The following MDGA2 variants were observed in gnomAD, a reference collection of about 807,000 sequenced individuals.
The protein encoded by MDGA2 is MAM domain containing glycosylphosphatidylinositol anchor 2.
A neutral mutation model predicts 117.8 loss-of-function variants in MDGA2; 40 were observed. The observed-to-expected ratio is 0.34, with a 90% CI of 0.26 to 0.44. The LOEUF (loss-of-function observed/expected upper bound fraction) is 0.44, where lower values mean the gene tolerates loss of function less well. MDGA2 is among the 20% of genes least tolerant of loss of function. The probability of loss-of-function intolerance (pLI) is 1.00; values close to 1 mark genes in which losing one functional copy is unlikely to be tolerated. For missense variants in MDGA2, 1,123 were observed against 1,250.6 expected, an observed-to-expected ratio of 0.90 and a Z score of 1.54; for synonymous variants, 452 against 439.0, an observed-to-expected ratio of 1.03 and a Z score of -0.37.
At chr14:47,385,156 T>G (rs1891728883) in intron 1 of MDGA2, among the ~76,000 whole-genome samples, 1 of 152,144 alleles carries the variant, frequency 6.6e-6, no homozygotes, top group Non-Finnish European at 1.5e-5. Flanking sequence ...ATTTATAAAA[T>G]TATACTATGT....
chr14:46,859,086 C>T (rs756416708), intron 14 of MDGA2, among the ~76,000 whole-genome samples: 26 of 152,180 alleles, frequency 1.7e-4, no homozygotes, highest in Non-Finnish European at 3.5e-4. Context: ...TCTGTCTTAC[C>T]TATGAATCTT....
intron 10 of MDGA2, among the ~76,000 whole-genome samples, chr14:46,902,794 G>A (rs918046245): frequency 6.6e-6 from 1 of 152,132 alleles, no homozygotes; most frequent in Non-Finnish European, 1.5e-5. Flanking sequence ...GAGAATATAA[G>A]CATTTTCTCA....
At chr14:47,610,574 A>G (rs1189525611) in intron 1 of MDGA2, among the ~76,000 whole-genome samples, 1 of 150,450 alleles carries the variant, frequency 6.6e-6, no homozygotes, top group Non-Finnish European at 1.5e-5. Flanking sequence ...CTAAAAACAA[A>G]CAAACAACAA....
At chr14:47,121,342 G>T (rs562554646) in intron 5 of MDGA2, among the ~76,000 whole-genome samples, 1 of 151,966 alleles carries the variant, frequency 6.6e-6, no homozygotes, top group East Asian at 1.9e-4. Context: ...AAATTCAGCA[G>T]AACTAATGTA....
chr14:47,302,719 G>A (rs918684718), intron 1 of MDGA2, among the ~76,000 whole-genome samples: 13 of 152,018 alleles, frequency 8.6e-5, no homozygotes, highest in African/African-American at 3.1e-4. Flanking sequence ...ATCATTCTGG[G>A]AAAAGCTGTG....
chr14:47,074,361 G>C (rs1211722429), intron 6 of MDGA2, among the ~76,000 whole-genome samples: 1 of 151,108 alleles, frequency 6.6e-6, no homozygotes, highest in African/African-American at 2.4e-5. Flanking sequence ...AGTGCAGTGC[G>C]GTGGCGCGAT....
intron 8 of MDGA2, among the ~76,000 whole-genome samples, chr14:47,016,327 G>A (rs534589828): frequency 6.6e-6 from 1 of 151,196 alleles, no homozygotes; most frequent in Admixed American, 6.6e-5. Context: ...ATCATTAATA[G>A]CACTTCAAAT....
intron 3 of MDGA2, chr14:47,200,656 T>C (rs1329438451): frequency 1.6e-6 from 2 of 1,212,438 alleles, no homozygotes; most frequent in Admixed American, 1.8e-5. Context: ...CCTGTTTCCG[T>C]AGCCTCAAGA....
intron 2 of MDGA2, among the ~76,000 whole-genome samples, chr14:47,238,632 C>CA (rs1210747741): frequency 8.0e-5 from 12 of 150,692 alleles, no homozygotes; most frequent in Admixed American, 5.3e-4. Context: ...ATGGACCGCT[C>CA]AAAAAAAATG....
chr14:47,260,387 C>T (rs545585826), intron 2 of MDGA2, among the ~76,000 whole-genome samples: 1 of 152,140 alleles, frequency 6.6e-6, no homozygotes, highest in South Asian at 2.1e-4. Flanking sequence ...TGAAAGACGA[C>T]AGTCAAGCTT....
chr14:47,563,845 T>C lies in MDGA2; in HGVS notation c.280+110672A>G, dbSNP rs1895867249. 2.0e-5 allele frequency among the ~76,000 whole-genome samples: 3 copies of C among 152,086 alleles called. No individual in the cohort carries two copies. The South Asian group carries it at 6.2e-4, about 32-fold the overall frequency. On this transcript the variant is annotated intron_variant, in intron 1 of 16. Transcript: ENST00000399232. ...CAGACTTGTTTGTGTGGTTGCTTTATGGTATCACTGGTTTATGTACTGTAT... is the reference window on the plus strand; with the variant it reads ...CAGACTTGTTTGTGTGGTTGCTTTACGGTATCACTGGTTTATGTACTGTAT...
At chr14:46,945,996 T>C (rs991421089) in intron 9 of MDGA2, among the ~76,000 whole-genome samples, 2 of 152,036 alleles carry the variant, frequency 1.3e-5, no homozygotes, top group Non-Finnish European at 2.9e-5. Context: ...GTTAAGTAGA[T>C]AGTGTTGCTT....
intron 1 of MDGA2, among the ~76,000 whole-genome samples, chr14:47,489,795 T>C (rs768088836): frequency 2.6e-5 from 4 of 152,056 alleles, no homozygotes; most frequent in Non-Finnish European, 5.9e-5. Context: ...CTTCACAGTT[T>C]ATTACATTTC....
intron 2 of MDGA2, among the ~76,000 whole-genome samples, chr14:47,286,324 T>G (rs1177159940): frequency 6.6e-6 from 1 of 152,068 alleles, no homozygotes; most frequent in African/African-American, 2.4e-5. Flanking sequence ...TAGATCTTAT[T>G]CCTTCTATCA....
intron 3 of MDGA2, chr14:47,201,190 A>AT (rs1247869143): frequency 1.7e-6 from 1 of 598,566 alleles, no homozygotes; most frequent in Non-Finnish European, 3.1e-6. Context: ...CTTGAGGAAC[A>AT]TTTTTCACGT....
intron 1 of MDGA2, among the ~76,000 whole-genome samples, chr14:47,367,096 T>C (rs1404893116): frequency 2.0e-5 from 3 of 152,098 alleles, no homozygotes; most frequent in Admixed American, 1.3e-4. Context: ...ACTGTTAACA[T>C]TGGCAGAGTA....
At chr14:47,057,724 T>C (rs1265793207) in intron 7 of MDGA2, among the ~76,000 whole-genome samples, 1 of 144,196 alleles carries the variant, frequency 6.9e-6, no homozygotes, top group Non-Finnish European at 1.5e-5. Flanking sequence ...TGCCCTGCCC[T>C]ACCTTGCCCT....
At chr14:47,011,737 A>G (rs980843988) in intron 8 of MDGA2, among the ~76,000 whole-genome samples, 11 of 152,034 alleles carry the variant, frequency 7.2e-5, no homozygotes, top group Admixed American at 6.6e-4. Context: ...CTGATACTAT[A>G]TAACAATTAG....
chr14:47,350,251 G>C (rs1433100072), intron 1 of MDGA2, among the ~76,000 whole-genome samples: 3 of 152,146 alleles, frequency 2.0e-5, no homozygotes, highest in Admixed American at 6.6e-5. Context: ...AAGGGCACTA[G>C]CGCATTTCCT....
Sources: gnomAD v4.1 joint callset for allele counts (sites outside exome capture counted in the v4.1 genomes callset) on GRCh38, gnomAD v4.1.1 for gene constraint, MANE v1.5 for transcripts, NCBI Gene and HGNC (gene_info 2026-07-23, HGNC 2026-07-21) for gene names.